The following RALGPS1 variants were observed in gnomAD, a reference collection of about 807,000 sequenced individuals.
RALGPS1 encodes Ral GEF with PH domain and SH3 binding motif 1.
A neutral mutation model predicts 78.8 loss-of-function variants in RALGPS1; 19 were observed. The ratio of observed to expected loss-of-function variants is 0.24; its 90% CI spans 0.17 to 0.35. The LOEUF is 0.35. Ranked by LOEUF, RALGPS1 falls within the 10% of genes least tolerant of loss-of-function variation. The pLI is 1.00. For missense variants in RALGPS1, 454 were observed against 688.3 expected, an observed-to-expected ratio of 0.66 and a Z score of 3.81; for synonymous variants, 228 against 256.3, an observed-to-expected ratio of 0.89 and a Z score of 1.06.
chr9:127,050,137 G>A lies in RALGPS1; in HGVS notation c.390+5G>A. 1 of 1,597,062 alleles carries A rather than the reference G, an allele frequency of 6.3e-7. No homozygotes were observed. Among genetic ancestry groups the A allele is most frequent in the Non-Finnish European group, 8.6e-7 (1 of 1,164,534 alleles). On this transcript the variant is annotated splice_donor_5th_base_variant and intron_variant, in intron 6 of 18. Transcript: ENST00000259351. ...CATTTTGTGAAAATAGCCAAGGTAA[G>A]CTTTTTATTATTATTTTTCCTTCCT...
chr9:126,920,183 C>T (rs1402183667), intron 1 of RALGPS1, among the ~76,000 whole-genome samples: 5 of 152,106 alleles, frequency 3.3e-5, no homozygotes, highest in Admixed American at 2.6e-4. Flanking sequence ...TGTGATGGAC[C>T]TGTGCTTAGA....
chr9:126,954,955 C>T (rs1033177587), intron 1 of RALGPS1, among the ~76,000 whole-genome samples: 2 of 152,214 alleles, frequency 1.3e-5, no homozygotes, highest in Admixed American at 1.3e-4. Flanking sequence ...ATGGCCTTCT[C>T]CCTCCATGAT....
At chr9:127,182,723 C>G (rs561227243) in intron 11 of RALGPS1, among the ~76,000 whole-genome samples, 2 of 152,066 alleles carry the variant, frequency 1.3e-5, no homozygotes. Flanking sequence ...GTCACCATGC[C>G]CAGCCTAAAC....
At chr9:126,996,105 C>A (rs187413290) in intron 4 of RALGPS1, among the ~76,000 whole-genome samples, 11 of 152,254 alleles carry the variant, frequency 7.2e-5, no homozygotes, top group African/African-American at 2.6e-4. Context: ...GACACCCTGA[C>A]ATCACAATTA....
chr9:126,942,186 G>A (rs1190407182), intron 1 of RALGPS1, among the ~76,000 whole-genome samples: 4 of 151,940 alleles, frequency 2.6e-5, no homozygotes, highest in African/African-American at 7.3e-5. Flanking sequence ...TTTATTGACT[G>A]CCTTTCATTT....
rs775738378 is a variant in RALGPS1 at position 127,195,046 on chromosome 9, C to T, written c.911-45C>T. 1.9e-6 allele frequency: 3 copies of T among 1,604,000 alleles called. No homozygotes were observed. In the African/African-American group the frequency reaches 4.0e-5, roughly 21 times the overall value. Reference sequence around the variant, plus strand: ...AACCCAGCCTGTGCAGCCCCTCACCCTCCCATCATAACCCCCGTTGTTGCT... The same window carrying T: ...AACCCAGCCTGTGCAGCCCCTCACCTTCCCATCATAACCCCCGTTGTTGCT... On this transcript the variant is annotated intron_variant, in intron 11 of 18. Coordinates refer to ENST00000259351, the MANE Select transcript of RALGPS1 (RefSeq NM_014636.3).
intron 8 of RALGPS1, among the ~76,000 whole-genome samples, chr9:127,115,277 C>T (rs1368943518): frequency 6.6e-6 from 1 of 152,134 alleles, no homozygotes; most frequent in Non-Finnish European, 1.5e-5. Flanking sequence ...GCAACCTCTG[C>T]CTCCCGCTTT....
At chr9:127,164,626 A>G (rs1163937851) in intron 8 of RALGPS1, among the ~76,000 whole-genome samples, 10 of 127,224 alleles carry the variant, frequency 7.9e-5, no homozygotes, top group Non-Finnish European at 1.4e-4. Context: ...TGCAGCCTCC[A>G]CCTCCTGGGC....
At chr9:127,191,749 G>C (rs1243942608) in intron 11 of RALGPS1, among the ~76,000 whole-genome samples, 1 of 144,700 alleles carries the variant, frequency 6.9e-6, no homozygotes, top group African/African-American at 2.6e-5. Context: ...CCAGGCTGGA[G>C]TGCAGTGGCA....
intron 8 of RALGPS1, among the ~76,000 whole-genome samples, chr9:127,131,278 G>A (rs946935801): frequency 2.0e-5 from 3 of 152,186 alleles, no homozygotes; most frequent in African/African-American, 7.2e-5. Flanking sequence ...AAAAATAACT[G>A]GTCACTAAAC....
intron 8 of RALGPS1, among the ~76,000 whole-genome samples, chr9:127,154,326 T>C (rs2058595079): frequency 6.6e-6 from 1 of 152,210 alleles, no homozygotes; most frequent in Admixed American, 6.5e-5. Flanking sequence ...CCCACAGAGA[T>C]GGCTCCTGCC....
chr9:127,165,948 A>G (rs578222130), intron 8 of RALGPS1, 121 bp from the exon 9 acceptor site: 4 of 1,368,496 alleles, frequency 2.9e-6, no homozygotes, highest in Admixed American at 6.5e-5. Context: ...AAGTCCAAAT[A>G]TTATCTCAGT....
At chr9:126,991,260 C>A (rs924794648) in intron 4 of RALGPS1, among the ~76,000 whole-genome samples, 2 of 152,160 alleles carry the variant, frequency 1.3e-5, no homozygotes, top group Non-Finnish European at 2.9e-5. Flanking sequence ...GCTGGAGTTC[C>A]TCTCTGAGCC....
intron 18 of RALGPS1, among the ~76,000 whole-genome samples, chr9:127,216,452 T>A (rs1185283383): frequency 6.6e-6 from 1 of 152,210 alleles, no homozygotes; most frequent in African/African-American, 2.4e-5. Flanking sequence ...GCAGCATTGT[T>A]CTTGATAGGA....
chr9:127,089,003 C>T, intron 8 of RALGPS1: 1 of 1,614,184 alleles, frequency 6.2e-7, no homozygotes, highest in Non-Finnish European at 8.5e-7. Context: ...GTAAGAGCCT[C>T]CTCGGAACTC....
intron 7 of RALGPS1, among the ~76,000 whole-genome samples, chr9:127,055,565 T>C (rs1255765040): frequency 6.6e-6 from 1 of 152,136 alleles, no homozygotes; most frequent in Non-Finnish European, 1.5e-5. Flanking sequence ...CAGCTACCCA[T>C]TGAGATAGGC....
chr9:127,220,227 C>T lies in RALGPS1; in HGVS notation c.*1458C>T, dbSNP rs2062737502. 6.6e-6 allele frequency: 1 copy of T among 152,154 alleles called. No individual in the cohort carries two copies. The highest frequency in any genetic ancestry group is 1.5e-5 in the Non-Finnish European group (1 of 68,038). 9.4% of individuals were successfully genotyped at this position (152,154 alleles called of 1,614,324 possible). A position where few individuals can be genotyped will look rare whatever the true frequency, so the allele number is the denominator to read the frequency against. On this transcript the variant is annotated 3_prime_UTR_variant, in exon 19 of 19. Transcript: ENST00000259351. Reference sequence around the variant, plus strand: ...TGGGTCCTTGCAGCTGTGATGGTTTCAGAGCTCAGACTGATCAGGCATCAA... The same window carrying T: ...TGGGTCCTTGCAGCTGTGATGGTTTTAGAGCTCAGACTGATCAGGCATCAA...
At chr9:126,938,637 A>G (rs777379254) in intron 1 of RALGPS1, among the ~76,000 whole-genome samples, 6 of 152,228 alleles carry the variant, frequency 3.9e-5, no homozygotes, top group Non-Finnish European at 5.9e-5. Flanking sequence ...GGGTTTGGCT[A>G]TAGCAATAAG....
chr9:127,081,333 C>G (rs1385936586), intron 8 of RALGPS1, among the ~76,000 whole-genome samples: 1 of 152,224 alleles, frequency 6.6e-6, no homozygotes, highest in Non-Finnish European at 1.5e-5. Flanking sequence ...CACCCTCTGC[C>G]CTTGCCTCTG....
Sources: allele counts gnomAD v4.1 joint callset (sites outside exome capture counted in the v4.1 genomes callset), GRCh38; gene constraint gnomAD v4.1.1; transcripts MANE v1.5; gene names NCBI Gene and HGNC (gene_info 2026-07-23, HGNC 2026-07-21).